Variants in ERI1 observed in about 807,000 individuals in gnomAD.
ERI1 encodes exoribonuclease 1.
A neutral mutation model predicts 39.7 loss-of-function variants in ERI1; 39 were observed. The observed-to-expected ratio is 0.98, with a 90% CI of 0.76 to 1.28. The LOEUF (loss-of-function observed/expected upper bound fraction) is 1.28, where lower values mean the gene tolerates loss of function less well. Among genes scored for constraint, ERI1 ranks in the 50% most tolerant of loss-of-function variants. The pLI is 0.00. For synonymous variants in ERI1, 204 were observed against 149.6 expected, an observed-to-expected ratio of 1.36 and a Z score of -2.65; for missense variants, 581 against 416.9, an observed-to-expected ratio of 1.39 and a Z score of -3.43.
At chr8:9,047,987 GAAAGTC>G (rs1798230389) in intron 3 of ERI1, among the ~76,000 whole-genome samples, 1 of 152,216 alleles carries the variant, frequency 6.6e-6, no homozygotes, top group Non-Finnish European at 1.5e-5. Flanking sequence ...CTGAGGAAAT[GAAAGTC>G]AACTCTCTTG....
chr8:9,067,943 C>T (rs919463982), intron 3 of ERI1, among the ~76,000 whole-genome samples: 1 of 151,626 alleles, frequency 6.6e-6, no homozygotes, highest in Admixed American at 6.6e-5. Context: ...CACACACACA[C>T]ATATATGTAT....
intron 3 of ERI1, among the ~76,000 whole-genome samples, chr8:9,057,415 GCAA>G (rs1331513797): frequency 2.0e-5 from 3 of 152,156 alleles, no homozygotes; most frequent in Non-Finnish European, 4.4e-5. Flanking sequence ...CTAGGGACTG[GCAA>G]CAACTCCAAT....
At chr8:9,073,782 G>A (rs1041982353) in intron 3 of ERI1, among the ~76,000 whole-genome samples, 1 of 152,042 alleles carries the variant, frequency 6.6e-6, no homozygotes, top group African/African-American at 2.4e-5. Flanking sequence ...TATGCAATCA[G>A]GACTCTAAGG....
At chr8:9,012,296 A>G (rs1266194390) in intron 3 of ERI1, among the ~76,000 whole-genome samples, 1 of 152,230 alleles carries the variant, frequency 6.6e-6, no homozygotes, top group Non-Finnish European at 1.5e-5. Context: ...TTTCTAAGCC[A>G]AATAATATGT....
chr8:9,039,228 C>T (rs1797944875), intron 3 of ERI1, among the ~76,000 whole-genome samples: 1 of 152,166 alleles, frequency 6.6e-6, no homozygotes, highest in Admixed American at 6.5e-5. Flanking sequence ...ACTTTCAAAA[C>T]ACCTTTTAGG....
At chr8:9,022,979 C>T (rs1360037891) in intron 6 of ERI1, among the ~76,000 whole-genome samples, 6 of 152,162 alleles carry the variant, frequency 3.9e-5, no homozygotes, top group Non-Finnish European at 7.3e-5. Context: ...ACACAGCTAC[C>T]ATACCATTGT....
intron 5 of ERI1, among the ~76,000 whole-genome samples, 196 bp from the exon 6 acceptor site, chr8:9,020,154 A>G (rs1489769604): frequency 6.6e-6 from 1 of 152,134 alleles, no homozygotes; most frequent in African/African-American, 2.4e-5. Flanking sequence ...AAGTTAATAT[A>G]TCCGACTTCT....
intron 2 of ERI1, 36 bp downstream of exon 2, chr8:9,008,184 T>G (rs746701263): frequency 2.8e-6 from 4 of 1,437,054 alleles, no homozygotes; most frequent in Non-Finnish European, 3.7e-6. Flanking sequence ...ATAAAAGTAG[T>G]ACATGCTCAT....
chr8:9,003,496 G>C (rs1447682070), intron 1 of ERI1, among the ~76,000 whole-genome samples: 1 of 152,184 alleles, frequency 6.6e-6, no homozygotes, highest in East Asian at 1.9e-4. Flanking sequence ...GCCGTTATGG[G>C]TAGTTTGCAA....
chr8:9,063,718 T>C, intron 3 of ERI1, among the ~76,000 whole-genome samples: 1 of 152,110 alleles, frequency 6.6e-6, no homozygotes, highest in Admixed American at 6.5e-5. Context: ...ATTTGCCCAT[T>C]TTACAACAAG....
In ERI1 at chr8:9,020,432, A is replaced by G. The variant is rs1399007926; in HGVS notation, c.775A>G (p.Asn259Asp). The change falls in exon 6 of 7, where the codon AAT (asparagine) becomes GAT (aspartate). Residue 259 changes from asparagine (N) to aspartate (D), a missense_variant. By Grantham distance (23) the Asn-to-Asp change is conservative. Transcript: ENST00000250263. ...CCCTCCTTTTGCGAAAAAGTGGATC[A>G]ATATTCGGAAGTCATATGGAAATTT... ...KYPPFAKKWI[N>D]IRKSYGNFYK... 6 of 1,606,626 alleles carry G rather than the reference A, an allele frequency of 3.7e-6. No individual in the cohort carries two copies. Among genetic ancestry groups the G allele is most frequent in the Non-Finnish European group, 4.2e-6 (5 of 1,176,916 alleles).
chr8:9,016,386 G>C lies in ERI1; in HGVS notation c.563G>C (p.Ser188Thr). The part of the protein sequence containing the change: ...INTQLSDFCI[S>T]LTGITQDQVD... ...ACACAGCTGTCTGATTTCTGCATCA[G>C]TCTAACTGGAATTACTCAGGTTATA... Residue 188 changes from serine to threonine, a missense_variant, in exon 4 of 7, where the codon AGT becomes ACT. By Grantham distance (58) the Ser-to-Thr change is moderately conservative (BLOSUM62 1). Coordinates refer to ENST00000250263, the MANE Select transcript of ERI1 (RefSeq NM_153332.4). The C allele has an allele frequency of 1.9e-6, 3 of 1,604,694 alleles. No homozygotes were observed. The highest frequency in any genetic ancestry group is 2.6e-6 in the Non-Finnish European group (3 of 1,174,516).
chr8:9,043,054 T>C (rs1043291786), intron 3 of ERI1, among the ~76,000 whole-genome samples: 2 of 152,262 alleles, frequency 1.3e-5, no homozygotes, highest in Non-Finnish European at 2.9e-5. Flanking sequence ...TGTTTGATTC[T>C]ACTCTTACGT....
At chr8:9,077,620 G>T (rs1259603665) in intron 3 of ERI1, among the ~76,000 whole-genome samples, 1 of 152,218 alleles carries the variant, frequency 6.6e-6, no homozygotes, top group African/African-American at 2.4e-5. Context: ...ATAATGCAGA[G>T]AAAGTGTCTC....
At chr8:9,020,227 C>T (rs1260281846) in intron 5 of ERI1, 123 bp from the exon 6 acceptor site, 1 of 506,848 alleles carries the variant, frequency 2.0e-6, no homozygotes, top group Admixed American at 4.1e-5. Flanking sequence ...TTAATTTTCT[C>T]AGCTTGATGT....
intron 3 of ERI1, among the ~76,000 whole-genome samples, chr8:9,015,249 C>T (rs1817109131): frequency 6.6e-6 from 1 of 152,160 alleles, no homozygotes; most frequent in Non-Finnish European, 1.5e-5. Context: ...TTAGGAAATA[C>T]AAACTTTTCT....
chr8:9,070,527 T>C (rs978462112), intron 3 of ERI1, among the ~76,000 whole-genome samples: 1 of 152,124 alleles, frequency 6.6e-6, no homozygotes, highest in African/African-American at 2.4e-5. Context: ...CTAGTTATAT[T>C]TGGGATACAT....
chr8:9,019,406 A>C (rs7846007), intron 5 of ERI1, among the ~76,000 whole-genome samples: 46,622 of 152,102 alleles, frequency 0.31, 7,682 homozygotes, highest in African/African-American at 0.38. Context: ...CTCTTTAGAA[A>C]TCCATTACTG....
chr8:9,007,885 A>G (rs1816191157), intron 1 of ERI1, 85 bp from the exon 2 acceptor site: 8 of 1,495,546 alleles, frequency 5.3e-6, no homozygotes, highest in Admixed American at 2.6e-5. Flanking sequence ...AGAAGTTTGA[A>G]AGTTTGAATC....
Sources: gnomAD v4.1 joint callset for allele counts (sites outside exome capture counted in the v4.1 genomes callset) on GRCh38, gnomAD v4.1.1 for gene constraint, MANE v1.5 for transcripts, NCBI Gene and HGNC (gene_info 2026-07-23, HGNC 2026-07-21) for gene names.